The following NMNAT1 variants were observed in gnomAD, a reference collection of about 807,000 sequenced individuals.
NMNAT1 encodes the protein nicotinamide/nicotinic acid mononucleotide adenylyltransferase 1.
A neutral mutation model predicts 16.7 loss-of-function variants in NMNAT1; 11 were observed. The ratio of observed to expected loss-of-function variants is 0.66; its 90% CI spans 0.41 to 1.09. The LOEUF (loss-of-function observed/expected upper bound fraction) is 1.09, where lower values mean the gene tolerates loss of function less well. Among genes scored for constraint, NMNAT1 ranks in the 50% least tolerant of loss-of-function variants. NMNAT1 has a pLI of 0.00. For missense variants in NMNAT1, 280 were observed against 332.3 expected, an observed-to-expected ratio of 0.84 and a Z score of 1.22; for synonymous variants, 110 against 119.8, an observed-to-expected ratio of 0.92 and a Z score of 0.53.
chr1:9,996,204 G>A, the NMNAT1 span, among the ~76,000 whole-genome samples: 3 of 151,638 alleles, frequency 2.0e-5, no homozygotes, highest in African/African-American at 7.3e-5. Context: ...CCAGCTACTC[G>A]GGAGGCTGAG....
At chr1:9,952,865 G>A (rs527605546) in intron 1 of NMNAT1, among the ~76,000 whole-genome samples, 2 of 152,060 alleles carry the variant, frequency 1.3e-5, no homozygotes, top group African/African-American at 4.8e-5. Flanking sequence ...CACCACGCTC[G>A]GCTAGAAACA....
intron 1 of NMNAT1, among the ~76,000 whole-genome samples, chr1:9,954,457 C>T (rs184049694): frequency 1.1e-4 from 16 of 152,216 alleles, no homozygotes; most frequent in Admixed American, 9.2e-4. Context: ...ACGATCCTCC[C>T]ACCTCAGCCT....
At position 9,985,094 on chromosome 1, in the gene NMNAT1, C is replaced by G. The variant is rs4073852; in HGVS notation, c.*2393C>G. The G allele has an allele frequency of 0.78, 119,044 of 151,992 alleles. 49,336 individuals are homozygous for G. Among genetic ancestry groups the G allele is most frequent in the Non-Finnish European group, 0.92 (62,578 of 68,020 alleles). 9.4% of individuals were successfully genotyped at this position (151,992 alleles called of 1,614,324 possible). On this transcript the variant is annotated 3_prime_UTR_variant, in exon 5 of 5. Coordinates refer to ENST00000377205, the MANE Select transcript of NMNAT1 (RefSeq NM_022787.4). ...TTTAACGTTTATTTCTGGGTGCCAA[C>G]GGAGGCCCATTCCTCTAACATTCTC...
At chr1:9,949,410 C>CTTTTTTTTT (rs35755485) in intron 1 of NMNAT1, among the ~76,000 whole-genome samples, 1 of 118,110 alleles carries the variant, frequency 8.5e-6, no homozygotes, top group Non-Finnish European at 1.7e-5. Flanking sequence ...TCTTCCACTG[C>CTTTTTTTTT]TTTTTTTTTT....
chr1:9,989,517 C>T (rs148249606), downstream of NMNAT1, among the ~76,000 whole-genome samples: 12 of 151,804 alleles, frequency 7.9e-5, no homozygotes, highest in South Asian at 2.1e-4. Context: ...TTGGAGACTA[C>T]GGTTGGACGG....
chr1:9,962,038 G>A (rs901675803), intron 1 of NMNAT1, among the ~76,000 whole-genome samples: 5 of 151,812 alleles, frequency 3.3e-5, no homozygotes, highest in African/African-American at 1.2e-4. Flanking sequence ...AAAATGCTGG[G>A]ATTACAGGCA....
intron 1 of NMNAT1, among the ~76,000 whole-genome samples, chr1:9,971,689 G>A (rs748626122): frequency 7.2e-5 from 11 of 152,116 alleles, no homozygotes; most frequent in East Asian, 3.9e-4. Flanking sequence ...TGGGCTGGGC[G>A]TGGTGACTCA....
chr1:9,958,184 T>G (rs539363164), intron 1 of NMNAT1, among the ~76,000 whole-genome samples: 2 of 152,274 alleles, frequency 1.3e-5, no homozygotes, highest in East Asian at 1.9e-4. Flanking sequence ...ATTACTCGTT[T>G]AGTGATGAAA....
intron 2 of NMNAT1, chr1:9,972,494 C>CAG (rs1553127234): frequency 7.0e-6 from 1 of 142,898 alleles, no homozygotes; most frequent in Non-Finnish European, 1.5e-5. Context: ...GACACCATCT[C>CAG]AAAAAAAAAA....
At chr1:9,949,661 G>A (rs1641063218) in intron 1 of NMNAT1, 1 of 151,576 alleles carries the variant, frequency 6.6e-6, no homozygotes, top group Non-Finnish European at 1.5e-5. Context: ...TCACCATGTT[G>A]GCAAGGCTAG....
intron 1 of NMNAT1, among the ~76,000 whole-genome samples, chr1:9,964,995 G>T (rs887405270): frequency 8.3e-5 from 12 of 145,428 alleles, no homozygotes; most frequent in Non-Finnish European, 1.8e-4. Context: ...AAAATACTTT[G>T]AGCAAGATTA....
At chr1:9,945,530 C>T (rs1242905501) in intron 1 of NMNAT1, among the ~76,000 whole-genome samples, 1 of 152,038 alleles carries the variant, frequency 6.6e-6, no homozygotes, top group East Asian at 1.9e-4. Context: ...GAAACCCTGT[C>T]TCTACTAAAA....
In NMNAT1 at chr1:9,982,598, A is replaced by T; in HGVS notation, c.737A>T (p.Glu246Val). The change falls in exon 5 of 5, where the codon GAA becomes GTA. Residue 246 changes from glutamate (E) to valine (V), a missense_variant. Physicochemically the swap from Glu to Val is moderately radical, Grantham distance 121. Coordinates refer to ENST00000377205, the MANE Select transcript of NMNAT1 (RefSeq NM_022787.4). Reference protein sequence around the residue: ...IRYLVPDLVQEYIEKHNLYSS... With the variant: ...IRYLVPDLVQVYIEKHNLYSS... ...TACTTGGTACCAGATCTTGTCCAAG[A>T]ATACATTGAAAAGCATAATTTGTAC... 6.2e-7 allele frequency: 1 copy of T among 1,614,156 alleles called. No individual in the cohort carries two copies. The highest frequency in any genetic ancestry group is 2.2e-5 in the East Asian group (1 of 44,888).
intron 1 of NMNAT1, among the ~76,000 whole-genome samples, chr1:9,971,148 C>T (rs1641678969): frequency 6.6e-6 from 1 of 152,122 alleles, no homozygotes; most frequent in South Asian, 2.1e-4. Flanking sequence ...CCCACATGTT[C>T]TGGCATCCTC....
upstream of NMNAT1, chr1:9,943,117 C>G (rs1450210210): frequency 5.6e-6 from 1 of 177,270 alleles, no homozygotes; most frequent in Admixed American, 5.6e-5. Context: ...CCGGCCACCG[C>G]AGCAAATCCC....
Position 9,975,450 on chromosome 1 carries a change from G to A in NMNAT1, c.116-142G>A, listed in dbSNP as rs184652140. 3.0e-4 allele frequency: 181 copies of A among 597,490 alleles called. 1 individual carries two copies. The East Asian group carries it at 4.9e-3, about 16-fold the overall frequency. The allele number at this position is 597,490 out of a possible 1,614,324, so 37.0% of individuals were successfully genotyped here. A position where few individuals can be genotyped will look rare whatever the true frequency, so the allele number is the denominator to read the frequency against. On this transcript the variant is annotated intron_variant, in intron 2 of 4. Transcript: ENST00000377205. The stretch of plus-strand genomic sequence containing the variant: ...CAGGAGGCGGAGGTTGCAGTGAGCC[G>A]AGATCACTCCAGTGCGGCCTGGGGA...
At chr1:9,978,727 G>C (rs1641869535) in intron 3 of NMNAT1, among the ~76,000 whole-genome samples, 1 of 152,180 alleles carries the variant, frequency 6.6e-6, no homozygotes, top group Non-Finnish European at 1.5e-5. Context: ...GAAGGGTTGG[G>C]ATGTAGGGGA....
chr1:9,949,410 C>CTTTT (rs35755485), intron 1 of NMNAT1, among the ~76,000 whole-genome samples: 1,215 of 118,062 alleles, frequency 0.01, 76 homozygotes, highest in Non-Finnish European at 0.014. Context: ...TCTTCCACTG[C>CTTTT]TTTTTTTTTT....
At chr1:9,987,689 C>A (rs12060375), downstream of NMNAT1, among the ~76,000 whole-genome samples, 12,013 of 151,420 alleles carry the variant, frequency 0.079, 709 homozygotes, top group East Asian at 0.21. Context: ...ATTAGCCAGG[C>A]ATGGTAGCTT....
Sources: gnomAD v4.1 joint callset for allele counts (sites outside exome capture counted in the v4.1 genomes callset) on GRCh38, gnomAD v4.1.1 for gene constraint, MANE v1.5 for transcripts, NCBI Gene and HGNC (gene_info 2026-07-23, HGNC 2026-07-21) for gene names.